Variants in BLTP3A observed in about 807,000 individuals in gnomAD.
The protein encoded by BLTP3A is bridge-like lipid transfer protein family member 3A.
chr6:34,835,424 C>T, the BLTP3A span: 1 of 1,614,130 alleles, frequency 6.2e-7, no homozygotes, highest in Non-Finnish European at 8.5e-7. Context: ...ATGGAGAAGT[C>T]AGCCCATCAA....
At chr6:34,855,101 T>C in the BLTP3A span, among the ~76,000 whole-genome samples, 1 of 152,224 alleles carries the variant, frequency 6.6e-6, no homozygotes, top group Non-Finnish European at 1.5e-5. Flanking sequence ...CCTGTTTGTG[T>C]AGTGTTTTTA....
the BLTP3A span, chr6:34,856,812 G>T: frequency 6.2e-7 from 1 of 1,613,782 alleles, no homozygotes; most frequent in Non-Finnish European, 8.5e-7. Flanking sequence ...GTCCTCGAAA[G>T]AACCCTCTTG....
At chr6:34,821,978 A>G in the BLTP3A span, 4 of 1,614,184 alleles carry the variant, frequency 2.5e-6, no homozygotes, top group Admixed American at 3.3e-5. Context: ...CTTGATTGCA[A>G]GTTATCAAAT....
At chr6:34,857,492 T>G in the BLTP3A span, 16 of 1,612,146 alleles carry the variant, frequency 9.9e-6, no homozygotes, top group African/African-American at 1.3e-4. Flanking sequence ...GGCTGGCTAT[T>G]TTTCTGTCTA....
At chr6:34,836,976 C>T in the BLTP3A span, among the ~76,000 whole-genome samples, 403 of 152,268 alleles carry the variant, frequency 2.6e-3, 2 homozygotes, top group African/African-American at 5.2e-3. Flanking sequence ...TTTCCACATT[C>T]GTGAAATTGA....
chr6:34,853,365 T>A, the BLTP3A span, among the ~76,000 whole-genome samples: 1 of 152,074 alleles, frequency 6.6e-6, no homozygotes, highest in Non-Finnish European at 1.5e-5. Flanking sequence ...CTGTTTTTTT[T>A]ATTTTTTTGT....
At chr6:34,870,858 A>G in the BLTP3A span, 4 of 1,613,898 alleles carry the variant, frequency 2.5e-6, no homozygotes, top group Non-Finnish European at 3.4e-6. Flanking sequence ...ACAAAGGTAC[A>G]TGCTTTCAGG....
the BLTP3A span, chr6:34,821,508 C>T: frequency 1.3e-6 from 1 of 756,064 alleles, no homozygotes. Context: ...TTTCTGTGTT[C>T]CTTCACTCCC....
At chr6:34,832,146 G>T in the BLTP3A span, among the ~76,000 whole-genome samples, 1 of 147,956 alleles carries the variant, frequency 6.8e-6, no homozygotes, top group African/African-American at 2.5e-5. Context: ...TTAAGACAAG[G>T]TCTCACTCTG....
the BLTP3A span, among the ~76,000 whole-genome samples, chr6:34,865,715 T>C: frequency 2.0e-5 from 3 of 152,242 alleles, no homozygotes; most frequent in African/African-American, 7.2e-5. Flanking sequence ...TTTTTGAGAA[T>C]AGGCATTCTG....
chr6:34,872,533 A>G, the BLTP3A span: 7 of 1,427,410 alleles, frequency 4.9e-6, no homozygotes, highest in Non-Finnish European at 6.5e-6. Flanking sequence ...TGAATAAGTC[A>G]CTACGGATGC....
chr6:34,801,882 C>T, the BLTP3A span, among the ~76,000 whole-genome samples: 164 of 152,026 alleles, frequency 1.1e-3, 1 homozygote, highest in Middle Eastern at 3.4e-3. Context: ...GGACTACAGG[C>T]GCCCGCCGCC....
the BLTP3A span, among the ~76,000 whole-genome samples, chr6:34,869,640 CTTTTTTTTTTTTTTT>C: frequency 2.5e-5 from 2 of 81,518 alleles, no homozygotes; most frequent in African/African-American, 6.1e-5. Context: ...ACATACACCA[CTTTTTTTTTTTTTTT>C]TTTTTTTTTT....
At chr6:34,849,775 G>C in the BLTP3A span, among the ~76,000 whole-genome samples, 1 of 152,134 alleles carries the variant, frequency 6.6e-6, no homozygotes, top group Non-Finnish European at 1.5e-5. Flanking sequence ...ATGAAATCCA[G>C]TTTGTTTGCA....
chr6:34,831,971 C>T, the BLTP3A span, among the ~76,000 whole-genome samples: 7 of 151,976 alleles, frequency 4.6e-5, no homozygotes, highest in South Asian at 2.1e-4. Flanking sequence ...TGCACCACCA[C>T]GCCTAGCTAA....
the BLTP3A span, among the ~76,000 whole-genome samples, chr6:34,797,166 C>T: frequency 6.6e-6 from 1 of 152,208 alleles, no homozygotes; most frequent in Admixed American, 6.5e-5. Context: ...AAGTTAGGTC[C>T]ACTGTGATGG....
the BLTP3A span, among the ~76,000 whole-genome samples, chr6:34,828,925 G>A: frequency 2.7e-5 from 4 of 150,474 alleles, no homozygotes; most frequent in Non-Finnish European, 4.4e-5. Flanking sequence ...TCCTTGGGAG[G>A]CTGAGGCAGG....
the BLTP3A span, chr6:34,821,914 C>G: frequency 6.2e-7 from 1 of 1,614,112 alleles, no homozygotes; most frequent in Non-Finnish European, 8.5e-7. Flanking sequence ...TTTCCTCTTT[C>G]AGATCCAGTG....
the BLTP3A span, among the ~76,000 whole-genome samples, chr6:34,819,487 T>C: frequency 6.6e-6 from 1 of 152,156 alleles, no homozygotes; most frequent in Non-Finnish European, 1.5e-5. Flanking sequence ...CAGCATTCTG[T>C]TGGGTCATCA....
Sources: gnomAD v4.1 joint callset for allele counts (sites outside exome capture counted in the v4.1 genomes callset) on GRCh38, gnomAD v4.1.1 for gene constraint, MANE v1.5 for transcripts, NCBI Gene and HGNC (gene_info 2026-07-23, HGNC 2026-07-21) for gene names.